SDK1: variants seen among roughly 807,000 people sequenced by gnomAD.
The protein encoded by SDK1 is protein sidekick-1.
SDK1 carries 157 observed loss-of-function variants against 245.5 expected under a neutral mutation model. The ratio of observed to expected loss-of-function variants is 0.64; its 90% CI spans 0.56 to 0.73. SDK1 has a LOEUF of 0.73. Among genes scored for constraint, SDK1 ranks in the 30% least tolerant of loss-of-function variants. The pLI is 0.00. For missense variants in SDK1, 3,583 were observed against 3,002.3 expected (o/e 1.19, Z -4.52); for synonymous variants, 1,647 against 1,278.5 (o/e 1.29, Z -6.15).
chr7:3,403,850 TA>T (rs1339565046), intron 1 of SDK1, among the ~76,000 whole-genome samples: 2 of 96,596 alleles, frequency 2.1e-5, no homozygotes, highest in African/African-American at 1.1e-4. Flanking sequence ...TATATATATA[TA>T]TATATATATA....
intron 19 of SDK1, among the ~76,000 whole-genome samples, chr7:4,063,610 CAAAA>C (rs1187059770): frequency 7.2e-6 from 1 of 137,986 alleles, no homozygotes; most frequent in Admixed American, 7.0e-5. Flanking sequence ...AAAAAAAAAA[CAAAA>C]AACCCCGTAA....
intron 44 of SDK1, among the ~76,000 whole-genome samples, chr7:4,264,860 G>A (rs943481201): frequency 7.9e-5 from 12 of 152,158 alleles, no homozygotes; most frequent in African/African-American, 1.9e-4. Flanking sequence ...AGCTCTTCTC[G>A]GAAACCTGGT....
intron 1 of SDK1, among the ~76,000 whole-genome samples, chr7:3,504,228 T>G (rs1203940449): frequency 1.2e-5 from 1 of 81,678 alleles, no homozygotes; most frequent in Non-Finnish European, 2.7e-5. Flanking sequence ...AAAACACAAT[T>G]CATATCAAAA....
rs770092988 is a variant in SDK1, at chr7:3,958,957, G to A, written c.1177G>A (p.Glu393Lys). ...GCCACCATATTTTACTGCTGAGCCC[G>A]AGAGTCGGATTTCAGCTGAAGTAGA... ...IEPPYFTAEP[E>K]SRISAEVEET... The change falls in exon 8 of 45, where the codon GAG becomes AAG. Residue 393 changes from glutamate (E) to lysine (K), a missense_variant. By Grantham distance (56) the Glu-to-Lys change is moderately conservative (BLOSUM62 1). Coordinates refer to ENST00000404826, the MANE Select transcript of SDK1 (RefSeq NM_152744.4). 60 of 1,613,868 alleles carry A rather than the reference G, an allele frequency of 3.7e-5. No individual in the cohort carries two copies. The highest frequency in any genetic ancestry group is 1.6e-4 in the East Asian group (7 of 44,888).
At position 3,592,449 on chromosome 7, in the gene SDK1, T is replaced by C. The variant is rs577313516; in HGVS notation, c.299-26631T>C. Among the ~76,000 whole-genome samples, 7 of 152,364 alleles carry C rather than the reference T, an allele frequency of 4.6e-5. No individual in the cohort carries two copies. In the South Asian group the frequency reaches 1.2e-3, roughly 27 times the overall value. On this transcript the variant is annotated intron_variant, in intron 1 of 44. Coordinates refer to ENST00000404826, the MANE Select transcript of SDK1 (RefSeq NM_152744.4). ...ACTTTAAGTCTTTTAATAGTCCAGA[T>C]AATTATCACTCTGCTCACTGCCCTT...
chr7:3,499,425 T>A (rs1416222038), intron 1 of SDK1, among the ~76,000 whole-genome samples: 1 of 152,118 alleles, frequency 6.6e-6, no homozygotes, highest in Non-Finnish European at 1.5e-5. Context: ...TGTAGTATGG[T>A]GTAAAGAATA....
intron 2 of SDK1, among the ~76,000 whole-genome samples, chr7:3,637,600 T>A (rs986889017): frequency 2.0e-5 from 3 of 152,234 alleles, no homozygotes; most frequent in Non-Finnish European, 4.4e-5. Flanking sequence ...ACATCCTAAT[T>A]TACAAAACCA....
At chr7:3,883,395 G>A (rs1031713649) in intron 5 of SDK1, among the ~76,000 whole-genome samples, 1 of 152,194 alleles carries the variant, frequency 6.6e-6, no homozygotes, top group Admixed American at 6.5e-5. Context: ...AGTGCTTGTT[G>A]CAGACATTAT....
At chr7:3,616,204 C>G (rs1781766849) in intron 1 of SDK1, among the ~76,000 whole-genome samples, 1 of 152,062 alleles carries the variant, frequency 6.6e-6, no homozygotes, top group Non-Finnish European at 1.5e-5. Context: ...GTAGTAAGAG[C>G]TAATCATCAT....
intron 5 of SDK1, among the ~76,000 whole-genome samples, chr7:3,890,958 G>A (rs543672879): frequency 1.3e-3 from 191 of 152,236 alleles, no homozygotes; most frequent in African/African-American, 4.3e-3. Context: ...TTCACTATGG[G>A]TCTACCAGTT....
intron 5 of SDK1, among the ~76,000 whole-genome samples, chr7:3,891,978 A>T (rs1282833154): frequency 6.6e-6 from 1 of 152,120 alleles, no homozygotes; most frequent in African/African-American, 2.4e-5. Context: ...CACAGGCAAG[A>T]TTCTGTTTTG....
At chr7:4,172,037 C>A (rs913139196) in intron 32 of SDK1, among the ~76,000 whole-genome samples, 1 of 152,192 alleles carries the variant, frequency 6.6e-6, no homozygotes, top group African/African-American at 2.4e-5. Context: ...GGAGTAGTGT[C>A]TAAGGGTGTG....
chr7:3,803,641 T>A (rs899076052), intron 4 of SDK1, among the ~76,000 whole-genome samples: 2 of 152,094 alleles, frequency 1.3e-5, no homozygotes, highest in Non-Finnish European at 2.9e-5. Flanking sequence ...TGGATTTTTT[T>A]AATTGTTGAC....
chr7:3,458,271 C>A (rs1351465274), intron 1 of SDK1, among the ~76,000 whole-genome samples: 3 of 152,048 alleles, frequency 2.0e-5, no homozygotes, highest in Non-Finnish European at 2.9e-5. Flanking sequence ...AAAATTATTT[C>A]TTTCCCCTGT....
chr7:4,245,052 G>A (rs760922087), intron 43 of SDK1, among the ~76,000 whole-genome samples: 53 of 152,136 alleles, frequency 3.5e-4, no homozygotes, highest in African/African-American at 9.9e-4. Flanking sequence ...TAATGTAACC[G>A]AGTCTTCAGT....
At chr7:4,150,272 G>A (rs1780270247) in intron 30 of SDK1, among the ~76,000 whole-genome samples, 1 of 152,162 alleles carries the variant, frequency 6.6e-6, no homozygotes, top group Non-Finnish European at 1.5e-5. Context: ...CCCGCCTTGT[G>A]CTTCTCATTG....
rs544612478 is a variant in SDK1, at chr7:3,953,481, C to T, written c.1150+1561C>T. Among the ~76,000 whole-genome samples, 4 of 152,302 alleles carry T rather than the reference C, an allele frequency of 2.6e-5. 1 individual carries two copies. In the South Asian group the frequency reaches 8.3e-4, roughly 32 times the overall value. On this transcript the variant is annotated intron_variant, in intron 7 of 44. Transcript: ENST00000404826. The stretch of plus-strand genomic sequence containing the variant: ...CCGCTACAGATGTAAATATCACATC[C>T]CATTCTCTGCAAAGATTTTTTCATC...
intron 5 of SDK1, among the ~76,000 whole-genome samples, chr7:3,870,393 A>G (rs1336169233): frequency 1.3e-5 from 2 of 152,142 alleles, no homozygotes; most frequent in South Asian, 2.1e-4. Flanking sequence ...GGAGTGCTCA[A>G]TAAGGATGTA....
intron 25 of SDK1, among the ~76,000 whole-genome samples, chr7:4,121,890 CAT>C (rs1206375327): frequency 6.6e-6 from 1 of 152,146 alleles, no homozygotes; most frequent in Non-Finnish European, 1.5e-5. Flanking sequence ...TGGTGCAACA[CAT>C]ATTGCTCTGG....
Sources: gnomAD v4.1 joint callset for allele counts (sites outside exome capture counted in the v4.1 genomes callset) on GRCh38, gnomAD v4.1.1 for gene constraint, MANE v1.5 for transcripts, NCBI Gene and HGNC (gene_info 2026-07-23, HGNC 2026-07-21) for gene names.